DNAH7: variants seen among roughly 807,000 people sequenced by gnomAD.
DNAH7 encodes the protein dynein axonemal heavy chain 7, also known as axonemal beta dynein heavy chain 7.
Under a neutral mutation model 444.6 loss-of-function variants are expected in DNAH7, and 397 were observed. The observed-to-expected ratio is 0.89, with a 90% CI of 0.82 to 0.97. The LOEUF is 0.97. Among genes scored for constraint, DNAH7 ranks in the 50% least tolerant of loss-of-function variants. The pLI, the probability that DNAH7 is intolerant of heterozygous loss-of-function variation, is 0.00. For missense variants in DNAH7, 4,902 were observed against 4,800.8 expected (o/e 1.02, Z -0.62); for synonymous variants, 1,636 against 1,624.4 (o/e 1.01, Z -0.17).
chr2:195,909,217 C>A (rs1687214716), intron 25 of DNAH7, among the ~76,000 whole-genome samples: 1 of 151,680 alleles, frequency 6.6e-6, no homozygotes, highest in Admixed American at 6.6e-5. Context: ...CAAACCTGCA[C>A]CTGTACCCCT....
intron 5 of DNAH7, among the ~76,000 whole-genome samples, chr2:196,039,734 G>C (rs1467104481): frequency 6.6e-6 from 1 of 151,278 alleles, no homozygotes; most frequent in Non-Finnish European, 1.5e-5. Flanking sequence ...AGGAGGTGGA[G>C]GTTGGAGTGA....
intron 48 of DNAH7, 102 bp from the exon 49 acceptor site, chr2:195,824,547 T>C: frequency 1.0e-6 from 1 of 969,476 alleles, no homozygotes; most frequent in Non-Finnish European, 1.4e-6. Flanking sequence ...AGATAAATTC[T>C]GTTCCTAGAT....
intron 8 of DNAH7, among the ~76,000 whole-genome samples, chr2:196,019,927 ATCTCCC>A (rs759827240): frequency 4.0e-5 from 6 of 149,824 alleles, no homozygotes; most frequent in African/African-American, 7.3e-5. Flanking sequence ...AGCAAGACCA[ATCTCCC>A]TCTCCCTCCC....
At chr2:195,963,788 T>C (rs948561167) in intron 17 of DNAH7, among the ~76,000 whole-genome samples, 2 of 152,220 alleles carry the variant, frequency 1.3e-5, no homozygotes, top group African/African-American at 2.4e-5. Context: ...ATTTTTTATA[T>C]GGTGAGAGAT....
chr2:196,034,047 A>G (rs1307081070), intron 5 of DNAH7, among the ~76,000 whole-genome samples: 1 of 152,180 alleles, frequency 6.6e-6, no homozygotes, highest in Non-Finnish European at 1.5e-5. Context: ...CAATATACCA[A>G]AGGACCTAAT....
chr2:195,738,146 C>T lies in DNAH7; in HGVS notation c.11869-19G>A. The T allele has an allele frequency of 6.2e-7, 1 of 1,604,490 alleles. No individual in the cohort carries two copies. The highest frequency in any genetic ancestry group is 8.5e-7 in the Non-Finnish European group (1 of 1,171,878). On this transcript the variant is annotated intron_variant, in intron 64 of 64. Transcript: ENST00000312428. The stretch of plus-strand genomic sequence containing the variant: ...GCCACATCTGGAAGAAAGTACATAA[C>T]ACCTCTTTAAGTCAAGGCTGTTTGT...
chr2:196,034,328 GA>G (rs1418977175), intron 5 of DNAH7, among the ~76,000 whole-genome samples: 2 of 152,078 alleles, frequency 1.3e-5, no homozygotes, highest in Admixed American at 1.3e-4. Context: ...TTTTTAAAAA[GA>G]AGGGCAAGAT....
At chr2:195,836,578 G>A (rs947517884) in intron 47 of DNAH7, among the ~76,000 whole-genome samples, 16 of 151,768 alleles carry the variant, frequency 1.1e-4, no homozygotes, top group African/African-American at 3.9e-4. Context: ...TGGTGGGGCA[G>A]CATAATTCAG....
chr2:195,932,093 T>C (rs985094184), intron 21 of DNAH7, among the ~76,000 whole-genome samples: 1 of 152,240 alleles, frequency 6.6e-6, no homozygotes, highest in East Asian at 1.9e-4. Context: ...TCCTCTTTTA[T>C]TTCATTGAGC....
chr2:195,794,149 T>A (rs1172031370), intron 57 of DNAH7, among the ~76,000 whole-genome samples, 189 bp downstream of exon 57: 1 of 152,164 alleles, frequency 6.6e-6, no homozygotes, highest in East Asian at 1.9e-4. Flanking sequence ...AGGCTGGTGC[T>A]AAAATTAAAA....
chr2:195,817,879 G>A (rs1697297363), intron 49 of DNAH7, 50 bp from the exon 50 acceptor site: 1 of 1,417,804 alleles, frequency 7.1e-7, no homozygotes, highest in African/African-American at 1.4e-5. Flanking sequence ...CTGTTAAAAA[G>A]TCTCTGCTTT....
At chr2:195,998,480 G>T (rs1466345818) in intron 12 of DNAH7, among the ~76,000 whole-genome samples, 2 of 151,210 alleles carry the variant, frequency 1.3e-5, no homozygotes, top group Non-Finnish European at 2.9e-5. Context: ...AGGCTGAGCA[G>T]CAGGAGAATG....
intron 54 of DNAH7, among the ~76,000 whole-genome samples, chr2:195,804,512 G>C (rs1470560090): frequency 6.6e-6 from 1 of 152,200 alleles, no homozygotes; most frequent in African/African-American, 2.4e-5. Flanking sequence ...CTGGCAAACA[G>C]TTTCCAAACT....
chr2:195,757,199 CTAACTT>C (rs1694119022), intron 61 of DNAH7, among the ~76,000 whole-genome samples: 1 of 152,146 alleles, frequency 6.6e-6, no homozygotes, highest in African/African-American at 2.4e-5. Flanking sequence ...AAATCACAGA[CTAACTT>C]TGACTTAGTT....
At chr2:195,961,387 C>T (rs552241885) in intron 17 of DNAH7, among the ~76,000 whole-genome samples, 1 of 148,172 alleles carries the variant, frequency 6.7e-6, no homozygotes, top group African/African-American at 2.4e-5. Context: ...ACATCTTCCC[C>T]AATCCCCACT....
Position 196,017,265 on chromosome 2 carries a change from G to A in DNAH7, c.869+1905C>T, listed in dbSNP as rs370429740. The stretch of plus-strand genomic sequence containing the variant: ...CCTGACCTTGTGATCCACCCACCTC[G>A]GCTTCCCAAAGTGCTGGAAGTACGG... On this transcript the variant is annotated intron_variant, in intron 9 of 64. Transcript: ENST00000312428. 1.4e-4 allele frequency among the ~76,000 whole-genome samples: 21 copies of A among 152,150 alleles called. 1 individual carries two copies. The highest frequency in any genetic ancestry group is 9.7e-4 in the East Asian group (5 of 5,166).
At position 195,787,028 on chromosome 2, in the gene DNAH7, C is replaced by A; in HGVS notation, c.10860G>T (p.Met3620Ile). Residue 3620 changes from methionine to isoleucine, a missense_variant, in exon 58 of 65, where the codon ATG (methionine) becomes ATT (isoleucine). Met to Ile is a conservative substitution (Grantham distance 10). Transcript: ENST00000312428. Reference sequence around the variant, plus strand: ...ATGATACCTCATACTGGTTCAGGAACATGTGGAGCTGCTGTACGCTGATTC... The same window carrying A: ...ATGATACCTCATACTGGTTCAGGAAAATGTGGAGCTGCTGTACGCTGATTC... ...DLRISVQQLH[M>I]FLNQYEELPY... 1 of 1,595,128 alleles carries A rather than the reference C, an allele frequency of 6.3e-7. No homozygotes were observed. The highest frequency in any genetic ancestry group is 8.5e-7 in the Non-Finnish European group (1 of 1,174,288).
chr2:195,788,273 A>G (rs1695722264), intron 57 of DNAH7, among the ~76,000 whole-genome samples: 1 of 152,230 alleles, frequency 6.6e-6, no homozygotes, highest in Non-Finnish European at 1.5e-5. Context: ...TATCAAGTGC[A>G]GGAGGAGTCA....
chr2:195,744,536 G>C lies in DNAH7; in HGVS notation c.11765-3667C>G, dbSNP rs370208220. ...AGCATGCATCCGGAGATATGAGAAC[G>C]GGCAGACTGCCTCCTCAAGTGGGTC... On this transcript the variant is annotated intron_variant, in intron 63 of 64. Coordinates refer to ENST00000312428, the MANE Select transcript of DNAH7 (RefSeq NM_018897.3). Among the ~76,000 whole-genome samples, 6 of 152,296 alleles carry C rather than the reference G, an allele frequency of 3.9e-5. No homozygotes were observed. The East Asian group carries it at 1.2e-3, about 29-fold the overall frequency.
Sources: gnomAD v4.1 joint callset for allele counts (sites outside exome capture counted in the v4.1 genomes callset) on GRCh38, gnomAD v4.1.1 for gene constraint, MANE v1.5 for transcripts, NCBI Gene and HGNC (gene_info 2026-07-23, HGNC 2026-07-21) for gene names.